The following RPGRIP1L variants were observed in gnomAD, a reference collection of about 807,000 sequenced individuals.
The protein encoded by RPGRIP1L is RPGRIP1 like, also known as protein fantom.
RPGRIP1L carries 131 observed loss-of-function variants against 160.4 expected under a neutral mutation model. The ratio of observed to expected loss-of-function variants is 0.82; its 90% CI spans 0.71 to 0.94. The LOEUF is 0.94. Among genes scored for constraint, RPGRIP1L ranks in the 40% least tolerant of loss-of-function variants. The pLI, the probability that RPGRIP1L is intolerant of heterozygous loss-of-function variation, is 0.00. For synonymous variants in RPGRIP1L, 510 were observed against 515.8 expected, an observed-to-expected ratio of 0.99 and a Z score of 0.15; for missense variants, 1,522 against 1,535.8, an observed-to-expected ratio of 0.99 and a Z score of 0.15.
intron 7 of RPGRIP1L, 116 bp from the exon 8 acceptor site, chr16:53,673,132 C>T: frequency 1.0e-6 from 1 of 978,402 alleles, no homozygotes; most frequent in Non-Finnish European, 1.5e-6. Context: ...CCGAAGTTCA[C>T]CTTATACAGA....
At chr16:53,605,702 G>T in intron 25 of RPGRIP1L, 88 bp from the exon 26 acceptor site, 1 of 1,344,674 alleles carries the variant, frequency 7.4e-7, no homozygotes, top group Non-Finnish European at 1.1e-6. Flanking sequence ...TTATCACTAG[G>T]TATAAAATGT....
intron 22 of RPGRIP1L, chr16:53,635,306 T>C (rs1256110888): frequency 6.6e-6 from 1 of 152,158 alleles, no homozygotes; most frequent in Non-Finnish European, 1.5e-5. Context: ...TTGGATGCTG[T>C]TATTGTAATT....
At chr16:53,620,663 A>C (rs1045903979) in intron 23 of RPGRIP1L, among the ~76,000 whole-genome samples, 4 of 152,202 alleles carry the variant, frequency 2.6e-5, no homozygotes, top group African/African-American at 9.6e-5. Context: ...TTTGAAAAGA[A>C]AGAGATGAAA....
chr16:53,646,103 C>T, intron 16 of RPGRIP1L, 100 bp from the exon 17 acceptor site: 1 of 1,069,474 alleles, frequency 9.4e-7, no homozygotes, highest in Non-Finnish European at 1.4e-6. Context: ...ATGACAAAAG[C>T]TGCATATTTT....
chr16:53,638,661 TGA>T (rs1395777282), intron 19 of RPGRIP1L, among the ~76,000 whole-genome samples: 2 of 151,228 alleles, frequency 1.3e-5, no homozygotes, highest in East Asian at 1.9e-4. Flanking sequence ...AAAAAAAAAC[TGA>T]GAGCAATGCA....
At chr16:53,617,882 T>A (rs1964477042) in intron 24 of RPGRIP1L, among the ~76,000 whole-genome samples, 1 of 152,154 alleles carries the variant, frequency 6.6e-6, no homozygotes, top group African/African-American at 2.4e-5. Context: ...TTTCTAAGAT[T>A]AGTGAGGAAA....
In RPGRIP1L at chr16:53,671,552, T is replaced by A; in HGVS notation, c.1061A>T (p.Glu354Val). The A allele has an allele frequency of 6.4e-7, 1 of 1,571,616 alleles. No homozygotes were observed. The highest frequency in any genetic ancestry group is 1.3e-5 in the African/African-American group (1 of 74,162). Residue 354 changes from glutamate (E) to valine (V), a missense_variant, in exon 9 of 27, where the codon GAA (glutamate) becomes GTA (valine). Coordinates refer to ENST00000647211, the MANE Select transcript of RPGRIP1L (RefSeq NM_015272.5). ...ATAGTTTTCCTTTAAAAGTTCCCGTTCCTTTTCTAAATCATTAATTCTATC... is the reference window on the plus strand; with the variant it reads ...ATAGTTTTCCTTTAAAAGTTCCCGTACCTTTTCTAAATCATTAATTCTATC... ...LQDRINDLEK[E>V]RELLKENYDK...
chr16:53,687,989 G>C (rs1192561660), intron 4 of RPGRIP1L, 24 bp from the exon 5 acceptor site: 4 of 1,331,138 alleles, frequency 3.0e-6, no homozygotes, highest in Non-Finnish European at 4.3e-6. Context: ...AATAAAATAT[G>C]ATTACAGAAT....
chr16:53,697,230 T>TA (rs1970837789), intron 2 of RPGRIP1L, among the ~76,000 whole-genome samples: 3 of 150,994 alleles, frequency 2.0e-5, no homozygotes, highest in Admixed American at 6.6e-5. Flanking sequence ...GATGACTCAA[T>TA]AAAAAATGAG....
chr16:53,694,450 A>G (rs1395685451), intron 3 of RPGRIP1L: 1 of 151,794 alleles, frequency 6.6e-6, no homozygotes. Context: ...AAAAAAAAAA[A>G]AATTAAAAAA....
chr16:53,618,765 T>G (rs1420780784), intron 24 of RPGRIP1L, among the ~76,000 whole-genome samples: 1 of 152,130 alleles, frequency 6.6e-6, no homozygotes, highest in Non-Finnish European at 1.5e-5. Context: ...CAGGCTGGTC[T>G]GGAACTCCAG....
rs775144757 is a variant in RPGRIP1L at position 53,641,039 on chromosome 16, C to G, written c.2952G>C (p.Gln984His). The G allele has an allele frequency of 3.6e-5, 58 of 1,608,696 alleles. No individual in the cohort carries two copies. The highest frequency in any genetic ancestry group is 4.7e-5 in the Non-Finnish European group (55 of 1,175,322). ...KVSFVDIMPH[Q>H]SDETSPPPED... ...TTCAGTGTCTACTACTTACATCACT[C>G]TGATGTGGCATGATATCCACGAAAG... Residue 984 changes from glutamine to histidine, a missense_variant, in exon 19 of 27, where the codon CAG becomes CAC. Physicochemically the swap from Gln to His is conservative, Grantham distance 24. Transcript: ENST00000647211.
chr16:53,637,253 G>T (rs567536146), intron 21 of RPGRIP1L, among the ~76,000 whole-genome samples: 32 of 152,122 alleles, frequency 2.1e-4, no homozygotes, highest in African/African-American at 7.2e-4. Flanking sequence ...ATCTCCTCAG[G>T]TCCCTCTGTA....
At chr16:53,702,667 C>T (rs1971535979) in intron 1 of RPGRIP1L, among the ~76,000 whole-genome samples, 1 of 151,600 alleles carries the variant, frequency 6.6e-6, no homozygotes, top group South Asian at 2.1e-4. Flanking sequence ...CATTTCTTCA[C>T]TGTTTATTTC....
At chr16:53,695,407 C>G in intron 3 of RPGRIP1L, 1 of 702,966 alleles carries the variant, frequency 1.4e-6, no homozygotes, top group South Asian at 1.5e-5. Context: ...GGATTCTAAG[C>G]AGAAAAACCC....
intron 25 of RPGRIP1L, 126 bp downstream of exon 25, chr16:53,610,841 G>A (rs2150937524): frequency 2.6e-6 from 2 of 769,444 alleles, no homozygotes; most frequent in Non-Finnish European, 4.6e-6. Context: ...TCATTCGAGG[G>A]TACAGAGTGA....
rs137942887 is a variant in RPGRIP1L, at chr16:53,610,553, T to C, written c.3701+414A>G. Reference sequence around the variant, plus strand: ...GGTGTTATCATCTCCATTTTAAAGTTGAAGGAAGAGAGGTGCAAGAAGGTT... The same window carrying C: ...GGTGTTATCATCTCCATTTTAAAGTCGAAGGAAGAGAGGTGCAAGAAGGTT... On this transcript the variant is annotated intron_variant, in intron 25 of 26. Coordinates refer to ENST00000647211, the MANE Select transcript of RPGRIP1L (RefSeq NM_015272.5). Among the ~76,000 whole-genome samples the C allele has an allele frequency of 7.8e-4, 119 of 152,266 alleles. 1 individual carries two copies. The highest frequency in any genetic ancestry group is 2.7e-3 in the African/African-American group (114 of 41,556).
chr16:53,649,001 A>G lies in RPGRIP1L; in HGVS notation c.2267T>C (p.Ile756Thr), dbSNP rs1262455268. The G allele has an allele frequency of 1.9e-6, 3 of 1,613,952 alleles. No individual in the cohort carries two copies. The highest frequency in any genetic ancestry group is 2.5e-6 in the Non-Finnish European group (3 of 1,179,846). ...CTCTGGCCCCTTAAAATTTGATGTT[A>G]TATACCCCAAAGCCTTTGCCCTTTC... ...YRERAKALGY[I>T]TSNFKGPEHM... The change falls in exon 16 of 27, where the codon ATA (isoleucine) becomes ACA (threonine). Residue 756 changes from isoleucine to threonine, a missense_variant. Physicochemically the swap from Ile to Thr is moderately conservative, Grantham distance 89. Coordinates refer to ENST00000647211, the MANE Select transcript of RPGRIP1L (RefSeq NM_015272.5).
At chr16:53,631,368 T>A (rs752524363) in intron 22 of RPGRIP1L, among the ~76,000 whole-genome samples, 3 of 152,168 alleles carry the variant, frequency 2.0e-5, no homozygotes, top group Non-Finnish European at 4.4e-5. Flanking sequence ...AGAAAGAGAA[T>A]GATGTAAATA....
Sources: gnomAD v4.1 joint callset for allele counts (sites outside exome capture counted in the v4.1 genomes callset) on GRCh38, gnomAD v4.1.1 for gene constraint, MANE v1.5 for transcripts, NCBI Gene and HGNC (gene_info 2026-07-23, HGNC 2026-07-21) for gene names.